Variants in ECI1 observed in about 807,000 individuals in gnomAD.
ECI1 encodes the protein enoyl-CoA delta isomerase 1, mitochondrial.
Under a neutral mutation model 34.2 loss-of-function variants are expected in ECI1, and 34 were observed. The observed-to-expected ratio is 1.00, with a 90% confidence interval of 0.76 to 1.33. The LOEUF is 1.33. Ranked by LOEUF, ECI1 falls within the 40% of genes most tolerant of loss-of-function variation. ECI1 has a pLI of 0.00. For synonymous variants in ECI1, 211 were observed against 193.0 expected, an observed-to-expected ratio of 1.09 and a Z score of -0.77; for missense variants, 456 against 422.2, an observed-to-expected ratio of 1.08 and a Z score of -0.70.
intron 4 of ECI1, chr16:2,244,006 C>T (rs1202139622): frequency 2.0e-5 from 7 of 345,888 alleles, no homozygotes; most frequent in South Asian, 4.8e-5. Context: ...ACAGCCACCC[C>T]GCAGGACACC....
At position 2,244,547 on chromosome 16, in the gene ECI1, G is replaced by GCGGTCCTGCAGGGGGAGC. The variant is rs2093535919; in HGVS notation, c.295-13_299dup (p.Arg100_Pro101insLeuProLeuGlnAspArg). On this transcript the variant is annotated inframe_insertion, in exon 4 of 7. Transcript: ENST00000301729. ...CCAGGCCGGCCGAGAAGACACCCGGGCGGTCCTGCAGGGGGAGCCGGGGCC... is the reference window on the plus strand; with the variant it reads ...CCAGGCCGGCCGAGAAGACACCCGGGCGGTCCTGCAGGGGGAGCCGGTCCTGCAGGGGGAGCCGGGGCC... The GCGGTCCTGCAGGGGGAGC allele has an allele frequency of 1.3e-6, 2 of 1,584,884 alleles. No individual in the cohort carries two copies. The highest frequency in any genetic ancestry group is 2.7e-5 in the African/African-American group (2 of 74,392).
At position 2,243,415 on chromosome 16, in the gene ECI1, G is replaced by GGCA. The variant is rs985247203; in HGVS notation, c.463_465dup (p.Cys155dup). On this transcript the variant is annotated inframe_insertion, in exon 5 of 7. Transcript: ENST00000301729. ...CGGTAGTCACAGGTCAGGGCCACCA[G>GGCA]GCAGCCTCCAGCGGGGCAGGCTCCC... The GGCA allele has an allele frequency of 6.2e-7, 1 of 1,613,406 alleles. No homozygotes were observed. The highest frequency in any genetic ancestry group is 8.5e-7 in the Non-Finnish European group (1 of 1,180,016).
In ECI1 at chr16:2,247,474, C is replaced by T. The variant is rs374587654; in HGVS notation, c.167-488G>A. On this transcript the variant is annotated intron_variant, in intron 2 of 6. Transcript: ENST00000301729. ...GTGCAATGGAGCGATCTTGGCTCAC[C>T]GCAACCTCTGCCTCTTGGGTTCAAG... Among the ~76,000 whole-genome samples, 364 of 152,038 alleles carry T rather than the reference C, an allele frequency of 2.4e-3. 1 individual carries two copies. The highest frequency in any genetic ancestry group is 8.2e-3 in the African/African-American group (338 of 41,456).
At chr16:2,250,371 G>A (rs902745586) in intron 2 of ECI1, among the ~76,000 whole-genome samples, 3 of 152,066 alleles carry the variant, frequency 2.0e-5, no homozygotes, top group Admixed American at 1.3e-4. Flanking sequence ...CAGAGAGGAC[G>A]GAACCAAGTT....
intron 3 of ECI1, among the ~76,000 whole-genome samples, chr16:2,246,574 A>G (rs1271101892): frequency 6.6e-6 from 1 of 152,070 alleles, no homozygotes; most frequent in Non-Finnish European, 1.5e-5. Flanking sequence ...GTCTCTTGGG[A>G]AAGCTGTCTC....
At chr16:2,251,455 G>C in intron 1 of ECI1, 26 bp from the exon 2 acceptor site, 28 of 1,514,002 alleles carry the variant, frequency 1.8e-5, no homozygotes, top group Non-Finnish European at 2.2e-5. Flanking sequence ...GGGGGAGCCC[G>C]TTAGTTCCCG....
intron 3 of ECI1, 100 bp downstream of exon 3, chr16:2,246,759 T>G: frequency 6.3e-7 from 1 of 1,578,812 alleles, no homozygotes; most frequent in Non-Finnish European, 8.7e-7. Context: ...TGCCACACGT[T>G]GGCAGGCTCT....
rs1211836367 is a variant in ECI1 at position 2,243,064 on chromosome 16, G to A, written c.724C>T (p.Gln242Ter). 1 of 1,603,774 alleles carries A rather than the reference G, an allele frequency of 6.2e-7. No individual in the cohort carries two copies. Among genetic ancestry groups the A allele is most frequent in the South Asian group, 1.1e-5 (1 of 91,016 alleles). Residue 242 changes from glutamine to a stop codon, truncating the protein, a stop_gained, in exon 6 of 7, where the codon CAG (glutamine) becomes TAG (stop). Transcript: ENST00000301729. LOFTEE classifies it high-confidence loss of function. ...VQSTALSAIAQWMAIPDHARQ... is the reference protein window; with the variant it reads ...VQSTALSAIA ...GCCTCACCTGGAATGGCCATCCACT[G>A]GGCTATCGCTGACAGCGCAGTGCTC...
chr16:2,239,872 G>A lies in ECI1; in HGVS notation c.*107C>T. ...GAACAGGAACTTCTACGTAACATCA[G>A]CAAAATGAAACGCTGGCAGTACTTT... is the stretch of plus-strand genomic sequence containing the variant. On this transcript the variant is annotated 3_prime_UTR_variant, in exon 7 of 7. Transcript: ENST00000301729. 7.9e-7 allele frequency: 1 copy of A among 1,267,030 alleles called. No homozygotes were observed. The highest frequency in any genetic ancestry group is 1.2e-5 in the South Asian group (1 of 83,048). The allele number at this position is 1,267,030 out of a possible 1,614,324, so 78.5% of individuals were successfully genotyped here. A position where few individuals can be genotyped will look rare whatever the true frequency, so the allele number is the denominator to read the frequency against.
intron 6 of ECI1, chr16:2,240,430 C>T (rs1209366485): frequency 4.9e-5 from 19 of 384,748 alleles, no homozygotes; most frequent in East Asian, 4.8e-4. Context: ...AGGCTGGTCC[C>T]GAACTCCTGA....
chr16:2,247,765 G>A (rs2093543671), intron 2 of ECI1, among the ~76,000 whole-genome samples: 1 of 152,090 alleles, frequency 6.6e-6, no homozygotes, highest in African/African-American at 2.4e-5. Flanking sequence ...GGAGTGCAGG[G>A]GTGTGATCTC....
intron 2 of ECI1, among the ~76,000 whole-genome samples, chr16:2,247,437 G>GAA (rs2093543017): frequency 6.6e-6 from 1 of 151,620 alleles, no homozygotes; most frequent in African/African-American, 2.4e-5. Context: ...TGCTCTTGTT[G>GAA]CCCAGGTTCA....
rs376966589 is a variant in ECI1, at chr16:2,243,178, G to C, written c.610C>G (p.Arg204Gly). ...ENTIGHRAAERALQLGLLFPP... is the reference protein window; with the variant it reads ...ENTIGHRAAEGALQLGLLFPP... ...AAGAGCAGCCCCAGCTGCAGGGCAC[G>C]CTCCGCCGCCCGGTGCCCGATGGTG... Residue 204 changes from arginine to glycine, a missense_variant, in exon 6 of 7, where the codon CGT becomes GGT. Arg to Gly is a moderately radical substitution (Grantham distance 125, BLOSUM62 -2). Transcript: ENST00000301729. 1.9e-6 allele frequency: 3 copies of C among 1,608,750 alleles called. No homozygotes were observed. In the South Asian group the frequency reaches 3.3e-5, roughly 18 times the overall value.
intron 4 of ECI1, 22 bp from the exon 5 acceptor site, chr16:2,243,461 G>T (rs367959490): frequency 6.2e-7 from 1 of 1,609,844 alleles, no homozygotes; most frequent in Non-Finnish European, 8.5e-7. Flanking sequence ...GGCCGGACAG[G>T]GCTCTTAGGT....
intron 6 of ECI1, chr16:2,240,599 G>A: frequency 5.5e-6 from 1 of 183,346 alleles, no homozygotes; most frequent in African/African-American, 2.4e-5. Context: ...ACGACTCACT[G>A]CAGCCTTGAA....
At chr16:2,250,350 C>A (rs1217463571) in intron 2 of ECI1, among the ~76,000 whole-genome samples, 1 of 151,954 alleles carries the variant, frequency 6.6e-6, no homozygotes, top group Non-Finnish European at 1.5e-5. Context: ...AGGCAGCTCC[C>A]TCAGCCCAGA....
At chr16:2,244,245 C>T (rs540281768) in intron 4 of ECI1, 161 bp downstream of exon 4, 10 of 854,556 alleles carry the variant, frequency 1.2e-5, no homozygotes, top group Admixed American at 2.1e-5. Flanking sequence ...TTTCTCAACA[C>T]GCCCCGTGGT....
At chr16:2,248,350 C>T (rs757419124) in intron 2 of ECI1, among the ~76,000 whole-genome samples, 10 of 152,010 alleles carry the variant, frequency 6.6e-5, no homozygotes, top group South Asian at 2.1e-4. Flanking sequence ...CACCTCGCCT[C>T]GGCCTCCCAA....
At chr16:2,246,247 A>G (rs1301658609) in intron 3 of ECI1, among the ~76,000 whole-genome samples, 1 of 152,248 alleles carries the variant, frequency 6.6e-6, no homozygotes, top group Admixed American at 6.5e-5. Context: ...CCCCTGCACA[A>G]GAACTCAGAC....
Sources: allele counts gnomAD v4.1 joint callset (sites outside exome capture counted in the v4.1 genomes callset), GRCh38; gene constraint gnomAD v4.1.1; transcripts MANE v1.5; gene names NCBI Gene and HGNC (gene_info 2026-07-23, HGNC 2026-07-21).